The following CSMD1 variants were observed in gnomAD, a reference collection of about 807,000 sequenced individuals.
The protein encoded by CSMD1 is CUB and sushi domain-containing protein 1.
A neutral mutation model predicts 417.5 loss-of-function variants in CSMD1; 213 were observed. The observed-to-expected ratio is 0.51, with a 90% CI of 0.46 to 0.57. The LOEUF is 0.57. Among genes scored for constraint, CSMD1 ranks in the 20% least tolerant of loss-of-function variants. The pLI is 0.00. For synonymous variants in CSMD1, 2,862 were observed against 1,736.8 expected, an observed-to-expected ratio of 1.65 and a Z score of -16.11; for missense variants, 6,923 against 4,529.7, an observed-to-expected ratio of 1.53 and a Z score of -15.17.
At chr8:4,027,787 G>A (rs1466147643) in intron 4 of CSMD1, among the ~76,000 whole-genome samples, 2 of 152,132 alleles carry the variant, frequency 1.3e-5, no homozygotes, top group African/African-American at 2.4e-5. Context: ...AGTAAAGGCA[G>A]AAATGGAAGT....
chr8:4,073,180 G>C (rs1352328991), intron 3 of CSMD1, among the ~76,000 whole-genome samples: 1 of 152,102 alleles, frequency 6.6e-6, no homozygotes, highest in Non-Finnish European at 1.5e-5. Context: ...TCGAGATGAA[G>C]CACTTCAAAG....
At chr8:3,705,800 T>A (rs962478098) in intron 7 of CSMD1, among the ~76,000 whole-genome samples, 2 of 152,130 alleles carry the variant, frequency 1.3e-5, no homozygotes, top group Non-Finnish European at 2.9e-5. Flanking sequence ...GGAACCCAGA[T>A]CTTGGGGTGA....
At chr8:3,443,097 T>C (rs1437824150) in intron 12 of CSMD1, among the ~76,000 whole-genome samples, 1 of 152,226 alleles carries the variant, frequency 6.6e-6, no homozygotes, top group Non-Finnish European at 1.5e-5. Flanking sequence ...CTTGCATTTG[T>C]ACTTATGATG....
At chr8:4,920,173 C>T (rs138987849) in intron 1 of CSMD1, among the ~76,000 whole-genome samples, 96 of 152,158 alleles carry the variant, frequency 6.3e-4, no homozygotes, top group African/African-American at 2.1e-3. Flanking sequence ...TGAGTCAATG[C>T]CTTTTCTAAG....
chr8:4,709,249 G>C (rs186441479), intron 1 of CSMD1, among the ~76,000 whole-genome samples: 2 of 152,302 alleles, frequency 1.3e-5, no homozygotes, highest in East Asian at 3.9e-4. Flanking sequence ...AGACTGGTGT[G>C]GGGAGTAGAG....
At chr8:4,640,255 C>G (rs187542361) in intron 1 of CSMD1, among the ~76,000 whole-genome samples, 1 of 152,284 alleles carries the variant, frequency 6.6e-6, no homozygotes, top group East Asian at 1.9e-4. Context: ...GGCAACTGCT[C>G]AAAAGTTCTT....
At chr8:3,972,372 T>C (rs1326894742) in intron 5 of CSMD1, among the ~76,000 whole-genome samples, 1 of 152,154 alleles carries the variant, frequency 6.6e-6, no homozygotes, top group Non-Finnish European at 1.5e-5. Context: ...GCTAAAGCTC[T>C]TTTTTCTTTA....
chr8:4,866,898 T>C (rs968900063), intron 1 of CSMD1, among the ~76,000 whole-genome samples: 6 of 152,000 alleles, frequency 3.9e-5, no homozygotes, highest in Non-Finnish European at 8.8e-5. Context: ...TTAATTATAA[T>C]TTATTTGCCA....
chr8:4,791,242 G>A (rs528468741), intron 1 of CSMD1, among the ~76,000 whole-genome samples: 3 of 152,170 alleles, frequency 2.0e-5, no homozygotes, highest in Admixed American at 2.0e-4. Flanking sequence ...ACGTGCCTGG[G>A]GTTGCAGGGG....
At chr8:4,182,642 C>G (rs1047258098) in intron 3 of CSMD1, among the ~76,000 whole-genome samples, 6 of 152,066 alleles carry the variant, frequency 3.9e-5, no homozygotes, top group Non-Finnish European at 8.8e-5. Flanking sequence ...TACTCATTTT[C>G]AGGAGTGACC....
chr8:4,915,602 G>A (rs1318443277), intron 1 of CSMD1, among the ~76,000 whole-genome samples: 1 of 152,180 alleles, frequency 6.6e-6, no homozygotes, highest in East Asian at 1.9e-4. Context: ...GGGGACTGTT[G>A]CATCCGATTG....
intron 26 of CSMD1, among the ~76,000 whole-genome samples, chr8:3,243,100 C>T (rs182548190): frequency 1.5e-3 from 234 of 151,942 alleles, no homozygotes; most frequent in African/African-American, 4.8e-3. Flanking sequence ...TGAAGGGTGG[C>T]GACAAGATTG....
chr8:3,508,898 T>C (rs778444226), intron 10 of CSMD1, among the ~76,000 whole-genome samples: 3 of 152,172 alleles, frequency 2.0e-5, no homozygotes, highest in Non-Finnish European at 2.9e-5. Flanking sequence ...ACAGGAATGA[T>C]CCATGGACCC....
intron 3 of CSMD1, among the ~76,000 whole-genome samples, chr8:4,254,336 G>C (rs186325751): frequency 6.6e-6 from 1 of 152,082 alleles, no homozygotes; most frequent in African/African-American, 2.4e-5. Context: ...TCGTTCTATG[G>C]AGAGTCTGCT....
At chr8:3,809,839 G>C (rs1800964921) in intron 5 of CSMD1, among the ~76,000 whole-genome samples, 1 of 152,152 alleles carries the variant, frequency 6.6e-6, no homozygotes, top group South Asian at 2.1e-4. Flanking sequence ...CAAGAATGCA[G>C]ACCTCTAGAA....
At chr8:4,683,476 C>G (rs995916304) in intron 1 of CSMD1, among the ~76,000 whole-genome samples, 1 of 152,124 alleles carries the variant, frequency 6.6e-6, no homozygotes, top group Non-Finnish European at 1.5e-5. Context: ...CACTCCTGCA[C>G]AAGTAGAGTG....
chr8:4,232,335 A>T (rs1472531938), intron 3 of CSMD1, among the ~76,000 whole-genome samples: 1 of 151,994 alleles, frequency 6.6e-6, no homozygotes, highest in Non-Finnish European at 1.5e-5. Context: ...AGTACCTGGG[A>T]TTACAGGCAC....
intron 3 of CSMD1, among the ~76,000 whole-genome samples, chr8:4,371,598 T>C (rs1802400324): frequency 6.6e-6 from 1 of 152,218 alleles, no homozygotes; most frequent in Non-Finnish European, 1.5e-5. Context: ...TGCTGATTTC[T>C]CTGCTTCATA....
Position 4,428,154 on chromosome 8 carries a change from A to G in CSMD1, c.303-8089T>C, listed in dbSNP as rs556615053. Among the ~76,000 whole-genome samples the G allele has an allele frequency of 1.0e-3, 154 of 152,308 alleles. 2 individuals are homozygous for G. The South Asian group carries it at 0.03, about 30-fold the overall frequency. On this transcript the variant is annotated intron_variant, in intron 2 of 69. Coordinates refer to ENST00000635120, the MANE Select transcript of CSMD1 (RefSeq NM_033225.6). ...CCTCTCCAAAGCACCCACCACATCT[A>G]TGTGAATCTGGCTTCACTTAAAAGG...
Sources: allele counts gnomAD v4.1 joint callset (sites outside exome capture counted in the v4.1 genomes callset), GRCh38; gene constraint gnomAD v4.1.1; transcripts MANE v1.5; gene names NCBI Gene and HGNC (gene_info 2026-07-23, HGNC 2026-07-21).